BMPR1B: variants seen among roughly 807,000 people sequenced by gnomAD.
BMPR1B encodes the protein bone morphogenetic protein receptor type 1B.
A neutral mutation model predicts 59.1 loss-of-function variants in BMPR1B; 12 were observed. The observed-to-expected ratio is 0.20, with a 90% CI of 0.13 to 0.33. BMPR1B has a LOEUF of 0.33. Among genes scored for constraint, BMPR1B ranks in the 10% least tolerant of loss-of-function variants. The pLI is 1.00. For synonymous variants in BMPR1B, 237 were observed against 207.3 expected (o/e 1.14, Z -1.23); for missense variants, 550 against 610.9 (o/e 0.90, Z 1.05).
chr4:95,121,818 G>T (rs1732551313), intron 6 of BMPR1B, among the ~76,000 whole-genome samples: 1 of 152,072 alleles, frequency 6.6e-6, no homozygotes. Flanking sequence ...TTGACAATAT[G>T]TATGAAAAGA....
At position 94,759,266 on chromosome 4, in the gene BMPR1B, A is replaced by G. The variant is rs368276936; in HGVS notation, c.-183+1198A>G. 6.6e-5 allele frequency among the ~76,000 whole-genome samples: 10 copies of G among 152,372 alleles called. No homozygotes were observed. The South Asian group carries it at 1.7e-3, about 25-fold the overall frequency. On this transcript the variant is annotated intron_variant, in intron 1 of 12. Coordinates refer to ENST00000515059, the MANE Select transcript of BMPR1B (RefSeq NM_001203.3). ...CAAAGGTGCCAGTGAAAGACAACGG[A>G]GGAAGAGAGCCGTTTCACTACCTCC... is the stretch of plus-strand genomic sequence containing the variant.
intron 2 of BMPR1B, among the ~76,000 whole-genome samples, chr4:94,933,394 C>G (rs558925084): frequency 6.6e-6 from 1 of 152,010 alleles, no homozygotes; most frequent in African/African-American, 2.4e-5. Flanking sequence ...ACTTTAATAT[C>G]TCAGTATTTC....
intron 4 of BMPR1B, 68 bp from the exon 5 acceptor site, chr4:95,114,652 A>C (rs1214309004): frequency 7.8e-7 from 1 of 1,288,586 alleles, no homozygotes; most frequent in African/African-American, 1.6e-5. Flanking sequence ...CTAGACACAC[A>C]CACACACACA....
At chr4:94,758,454 G>T (rs1368378667) in intron 1 of BMPR1B, among the ~76,000 whole-genome samples, 1 of 151,964 alleles carries the variant, frequency 6.6e-6, no homozygotes, top group Non-Finnish European at 1.5e-5. Flanking sequence ...AGTCGGACCT[G>T]CGAGCGGAGG....
chr4:95,094,734 C>T (rs1052325835), intron 3 of BMPR1B, among the ~76,000 whole-genome samples: 1 of 152,068 alleles, frequency 6.6e-6, no homozygotes, highest in African/African-American at 2.4e-5. Flanking sequence ...ACATCGTCAT[C>T]AAGTCTAGCT....
chr4:94,778,491 A>G (rs1031609552), intron 1 of BMPR1B, among the ~76,000 whole-genome samples: 1 of 152,106 alleles, frequency 6.6e-6, no homozygotes, highest in African/African-American at 2.4e-5. Context: ...ACTTCCTGAT[A>G]GGGTATTTCT....
chr4:94,817,825 C>G (rs903279954), intron 1 of BMPR1B, among the ~76,000 whole-genome samples: 1 of 152,162 alleles, frequency 6.6e-6, no homozygotes, highest in African/African-American at 2.4e-5. Flanking sequence ...CCACACTTTT[C>G]TCCTTTTCCA....
At chr4:94,987,629 T>G (rs981251260) in intron 2 of BMPR1B, among the ~76,000 whole-genome samples, 3 of 152,136 alleles carry the variant, frequency 2.0e-5, no homozygotes, top group Non-Finnish European at 2.9e-5. Flanking sequence ...AATCTTTGCT[T>G]CTTTCCTTTT....
rs142666348 is a variant in BMPR1B, at chr4:94,852,453, A to G, written c.-182-23378A>G. On this transcript the variant is annotated intron_variant, in intron 1 of 12. Coordinates refer to ENST00000515059, the MANE Select transcript of BMPR1B (RefSeq NM_001203.3). ...ATTAAAGAATCTAAATTGATAAGCT[A>G]TATTTTAATATTACTAAAATATGAT... 3.2e-3 allele frequency among the ~76,000 whole-genome samples: 490 copies of G among 152,288 alleles called. 3 individuals are homozygous for G. The highest frequency in any genetic ancestry group is 0.011 in the African/African-American group (454 of 41,576).
At chr4:95,134,815 C>G (rs574223995) in intron 10 of BMPR1B, among the ~76,000 whole-genome samples, 11 of 152,260 alleles carry the variant, frequency 7.2e-5, no homozygotes, top group African/African-American at 9.6e-5. Context: ...TGTAGATTGC[C>G]TGTTCACTCT....
intron 4 of BMPR1B, among the ~76,000 whole-genome samples, chr4:95,112,329 G>A (rs1731688247): frequency 6.6e-6 from 1 of 152,068 alleles, no homozygotes; most frequent in African/African-American, 2.4e-5. Flanking sequence ...GCAGCAGAAT[G>A]TTCACATAGG....
chr4:95,105,280 G>A (rs773327181), intron 4 of BMPR1B, among the ~76,000 whole-genome samples: 1 of 152,052 alleles, frequency 6.6e-6, no homozygotes, highest in East Asian at 1.9e-4. Flanking sequence ...TGTGCCAAGA[G>A]AGAAGTGGGT....
chr4:94,758,327 G>T (rs1207471055), intron 1 of BMPR1B, among the ~76,000 whole-genome samples: 1 of 151,394 alleles, frequency 6.6e-6, no homozygotes, highest in Admixed American at 6.6e-5. Context: ...TCGGCTTTGT[G>T]CGCGGGCGGC....
At chr4:94,810,543 G>A (rs1338961798) in intron 1 of BMPR1B, among the ~76,000 whole-genome samples, 1 of 152,046 alleles carries the variant, frequency 6.6e-6, no homozygotes, top group African/African-American at 2.4e-5. Flanking sequence ...AGCAAGATTG[G>A]GATGTGAGCT....
At chr4:95,022,262 C>T (rs1456395666) in intron 3 of BMPR1B, among the ~76,000 whole-genome samples, 1 of 152,148 alleles carries the variant, frequency 6.6e-6, no homozygotes, top group Non-Finnish European at 1.5e-5. Context: ...TATGAAAACT[C>T]CCCATTTAGA....
intron 3 of BMPR1B, among the ~76,000 whole-genome samples, chr4:95,054,425 A>T (rs1316145992): frequency 1.3e-5 from 2 of 152,176 alleles, no homozygotes; most frequent in Non-Finnish European, 2.9e-5. Context: ...TTGAACTTCA[A>T]GTTTTTTAAA....
At chr4:95,147,318 T>C (rs1016994962) in intron 10 of BMPR1B, among the ~76,000 whole-genome samples, 2 of 152,210 alleles carry the variant, frequency 1.3e-5, no homozygotes, top group African/African-American at 4.8e-5. Context: ...ATATTCAGAA[T>C]GACACTTAAA....
chr4:94,908,278 A>G (rs979333363), intron 2 of BMPR1B, among the ~76,000 whole-genome samples: 2 of 151,488 alleles, frequency 1.3e-5, no homozygotes, highest in Non-Finnish European at 2.9e-5. Context: ...TAAATTTAAC[A>G]TATTAGTTAG....
At chr4:95,097,748 G>C (rs770279545) in intron 3 of BMPR1B, among the ~76,000 whole-genome samples, 2 of 152,088 alleles carry the variant, frequency 1.3e-5, no homozygotes, top group Non-Finnish European at 2.9e-5. Context: ...ATGTTGGCCA[G>C]GATGGTCTCC....
Sources: gnomAD v4.1 joint callset for allele counts (sites outside exome capture counted in the v4.1 genomes callset) on GRCh38, gnomAD v4.1.1 for gene constraint, MANE v1.5 for transcripts, NCBI Gene and HGNC (gene_info 2026-07-23, HGNC 2026-07-21) for gene names.